The following NR6A1 variants were observed in gnomAD, a reference collection of about 807,000 sequenced individuals.
NR6A1 encodes the protein nuclear receptor subfamily 6 group A member 1, also known as retinoic acid receptor-related testis-associated receptor.
Under a neutral mutation model 59.1 loss-of-function variants are expected in NR6A1, and 7 were observed. The observed-to-expected ratio is 0.12, with a 90% CI of 0.07 to 0.22. NR6A1 has a LOEUF of 0.22. Among genes scored for constraint, NR6A1 ranks in the 10% least tolerant of loss-of-function variants. The pLI, the probability that NR6A1 is intolerant of heterozygous loss-of-function variation, is 1.00. For synonymous variants in NR6A1, 243 were observed against 236.1 expected, an observed-to-expected ratio of 1.03 and a Z score of -0.27; for missense variants, 468 against 611.6, an observed-to-expected ratio of 0.77 and a Z score of 2.48.
intron 7 of NR6A1, among the ~76,000 whole-genome samples, chr9:124,527,496 A>G (rs1261629723): frequency 6.6e-6 from 1 of 152,252 alleles, no homozygotes; most frequent in Non-Finnish European, 1.5e-5. Flanking sequence ...TTTCCATACC[A>G]CGCCATCCTC....
rs1832734501 is a variant in NR6A1, at chr9:124,518,548, G to A, written c.*4157C>T. 6.6e-6 allele frequency: 1 copy of A among 152,056 alleles called. No individual in the cohort carries two copies. Among genetic ancestry groups the A allele is most frequent in the African/African-American group, 2.4e-5 (1 of 41,386 alleles). The allele number at this position is 152,056 out of a possible 1,614,324, so 9.4% of individuals were successfully genotyped here. A position where few individuals can be genotyped will look rare whatever the true frequency, so the allele number is the denominator to read the frequency against. ...CCAGGCTAACCAGTTTCCAACACTT[G>A]GTGGAATGACTGCCGTTTCTCATCC... On this transcript the variant is annotated 3_prime_UTR_variant, in exon 10 of 10. Transcript: ENST00000487099.
chr9:124,714,927 C>A (rs746397468), intron 2 of NR6A1, among the ~76,000 whole-genome samples: 1 of 152,056 alleles, frequency 6.6e-6, no homozygotes, highest in Non-Finnish European at 1.5e-5. Flanking sequence ...TGGCTGGGCA[C>A]GGTGACTCAT....
At chr9:124,643,813 A>T (rs1390965182) in intron 2 of NR6A1, among the ~76,000 whole-genome samples, 12 of 151,100 alleles carry the variant, frequency 7.9e-5, no homozygotes, top group South Asian at 4.2e-4. Flanking sequence ...TCATTTTTTT[A>T]AAATCAGAAA....
intron 2 of NR6A1, among the ~76,000 whole-genome samples, chr9:124,718,032 TATTATCTC>T (rs1370849395): frequency 2.0e-5 from 3 of 152,240 alleles, no homozygotes; most frequent in African/African-American, 7.2e-5. Flanking sequence ...AATTCATGTA[TATTATCTC>T]ATTATTTTTT....
intron 2 of NR6A1, among the ~76,000 whole-genome samples, chr9:124,648,506 T>C (rs1246475542): frequency 1.3e-5 from 2 of 152,162 alleles, no homozygotes; most frequent in African/African-American, 4.8e-5. Flanking sequence ...GCTGGCATCA[T>C]ACTGGATGGG....
intron 2 of NR6A1, among the ~76,000 whole-genome samples, chr9:124,645,663 C>T (rs1348695457): frequency 2.0e-5 from 3 of 151,974 alleles, no homozygotes; most frequent in African/African-American, 7.3e-5. Context: ...GATAGAACTA[C>T]AAGAAAAAAA....
intron 2 of NR6A1, among the ~76,000 whole-genome samples, chr9:124,695,581 G>C (rs919641919): frequency 1.4e-4 from 22 of 152,154 alleles, no homozygotes; most frequent in African/African-American, 5.3e-4. Flanking sequence ...TGTTGGCCAG[G>C]CTGGTCTCAG....
chr9:124,655,261 T>C (rs1348163430), intron 2 of NR6A1, among the ~76,000 whole-genome samples: 1 of 152,162 alleles, frequency 6.6e-6, no homozygotes, highest in Non-Finnish European at 1.5e-5. Flanking sequence ...GCCTCTAACA[T>C]AATGGCTCTT....
At chr9:124,603,215 G>GC (rs577051123) in intron 2 of NR6A1, among the ~76,000 whole-genome samples, 1 of 152,166 alleles carries the variant, frequency 6.6e-6, no homozygotes, top group South Asian at 2.1e-4. Context: ...AAAGAGTCAA[G>GC]CCCAGGGCTG....
At chr9:124,584,486 C>A (rs1339341692) in intron 2 of NR6A1, among the ~76,000 whole-genome samples, 2 of 152,066 alleles carry the variant, frequency 1.3e-5, no homozygotes, top group African/African-American at 4.8e-5. Flanking sequence ...TTTCCAAAAG[C>A]ATGTGCTCAC....
At chr9:124,590,578 G>A (rs1835087846) in intron 2 of NR6A1, among the ~76,000 whole-genome samples, 1 of 152,184 alleles carries the variant, frequency 6.6e-6, no homozygotes, top group Admixed American at 6.5e-5. Context: ...TGTTCCTAGT[G>A]CTTAGAAAAT....
rs557146921 is a variant in NR6A1 at position 124,616,835 on chromosome 9, G to A, written c.143-62265C>T. Among the ~76,000 whole-genome samples the A allele has an allele frequency of 6.0e-4, 91 of 152,158 alleles. 1 individual carries two copies. In the South Asian group the frequency reaches 0.018, roughly 31 times the overall value. On this transcript the variant is annotated intron_variant, in intron 2 of 9. Coordinates refer to ENST00000487099, the MANE Select transcript of NR6A1 (RefSeq NM_033334.4). ...GATTGGCAAAAAATTAAAAATAGTGGTATATTTCAGTGGTGAAGTTTTGAA... is the reference window on the plus strand; with the variant it reads ...GATTGGCAAAAAATTAAAAATAGTGATATATTTCAGTGGTGAAGTTTTGAA...
intron 1 of NR6A1, among the ~76,000 whole-genome samples, chr9:124,761,991 T>C (rs1217649150): frequency 6.6e-6 from 1 of 152,188 alleles, no homozygotes; most frequent in Admixed American, 6.5e-5. Flanking sequence ...TAAAATGATA[T>C]GAACTCATTT....
At chr9:124,657,516 AAAG>A (rs1290245889) in intron 2 of NR6A1, among the ~76,000 whole-genome samples, 1 of 152,270 alleles carries the variant, frequency 6.6e-6, no homozygotes, top group African/African-American at 2.4e-5. Context: ...TTGAAACTTT[AAAG>A]AAGTGTCAAC....
intron 2 of NR6A1, among the ~76,000 whole-genome samples, chr9:124,623,028 A>C (rs1836125558): frequency 6.6e-6 from 1 of 152,212 alleles, no homozygotes. Flanking sequence ...AATACTACTA[A>C]AAATCCAGAA....
At chr9:124,669,439 A>C (rs2130962813) in intron 2 of NR6A1, among the ~76,000 whole-genome samples, 1 of 152,358 alleles carries the variant, frequency 6.6e-6, no homozygotes, top group African/African-American at 2.4e-5. Context: ...CAAAGTTGTC[A>C]GAAAGAGTTC....
At chr9:124,702,000 C>T (rs1473349582) in intron 2 of NR6A1, among the ~76,000 whole-genome samples, 1 of 152,230 alleles carries the variant, frequency 6.6e-6, no homozygotes, top group Non-Finnish European at 1.5e-5. Flanking sequence ...GCTAGGATTA[C>T]AGGTGTGAGC....
intron 1 of NR6A1, among the ~76,000 whole-genome samples, chr9:124,752,164 G>A (rs1840518438): frequency 6.6e-6 from 1 of 152,090 alleles, no homozygotes; most frequent in African/African-American, 2.4e-5. Context: ...GGCTACTCGG[G>A]CTCCTGAAGC....
intron 6 of NR6A1, among the ~76,000 whole-genome samples, chr9:124,537,164 G>A (rs1047798527): frequency 3.3e-5 from 5 of 150,384 alleles, no homozygotes; most frequent in Admixed American, 6.7e-5. Flanking sequence ...ACCTCAGCTC[G>A]CTGCAACCTC....
Sources: allele counts gnomAD v4.1 joint callset (sites outside exome capture counted in the v4.1 genomes callset), GRCh38; gene constraint gnomAD v4.1.1; transcripts MANE v1.5; gene names NCBI Gene and HGNC (gene_info 2026-07-23, HGNC 2026-07-21).